ZBTB20: variants seen among roughly 807,000 people sequenced by gnomAD.
ZBTB20 encodes the protein zinc finger and BTB domain containing 20.
Under a neutral mutation model 56.9 loss-of-function variants are expected in ZBTB20, and 9 were observed. The ratio of observed to expected loss-of-function variants is 0.16; its 90% CI spans 0.10 to 0.28. The LOEUF (loss-of-function observed/expected upper bound fraction) is 0.28, where lower values mean the gene tolerates loss of function less well. Ranked by LOEUF, ZBTB20 falls within the 10% of genes least tolerant of loss-of-function variation. ZBTB20 has a pLI of 1.00. For synonymous variants in ZBTB20, 417 were observed against 420.7 expected (o/e 0.99, Z 0.11); for missense variants, 655 against 1,003.0 (o/e 0.65, Z 4.69).
At chr3:114,404,787 C>T (rs762654251) in intron 7 of ZBTB20, among the ~76,000 whole-genome samples, 9 of 152,230 alleles carry the variant, frequency 5.9e-5, no homozygotes, top group East Asian at 3.9e-4. Flanking sequence ...ACCCATGACT[C>T]GCTCTTTTCC....
chr3:114,622,348 G>T (rs1039569748), intron 6 of ZBTB20, among the ~76,000 whole-genome samples: 1 of 151,860 alleles, frequency 6.6e-6, no homozygotes, highest in Non-Finnish European at 1.5e-5. Context: ...AATTACCCAA[G>T]AAATATTATA....
At chr3:114,665,767 C>T (rs2108119877) in intron 6 of ZBTB20, among the ~76,000 whole-genome samples, 1 of 152,040 alleles carries the variant, frequency 6.6e-6, no homozygotes, top group South Asian at 2.1e-4. Context: ...ATTCATTGAA[C>T]ATGAGAAAAA....
chr3:114,448,674 AAACTT>A (rs1236059821), intron 7 of ZBTB20, among the ~76,000 whole-genome samples: 1 of 152,196 alleles, frequency 6.6e-6, no homozygotes, highest in African/African-American at 2.4e-5. Context: ...GTATCAGAAA[AAACTT>A]AAACGTTCAT....
intron 7 of ZBTB20, among the ~76,000 whole-genome samples, chr3:114,475,907 G>A (rs2040701038): frequency 6.6e-6 from 1 of 151,952 alleles, no homozygotes; most frequent in Non-Finnish European, 1.5e-5. Context: ...TTTTGAGATG[G>A]AGTCTTACTC....
chr3:114,754,747 T>C (rs1459900115), intron 5 of ZBTB20, among the ~76,000 whole-genome samples: 1 of 152,174 alleles, frequency 6.6e-6, no homozygotes, highest in Non-Finnish European at 1.5e-5. Context: ...TTAAATAATA[T>C]TTTTAAAATG....
chr3:114,514,634 C>T (rs1430177210), intron 6 of ZBTB20, among the ~76,000 whole-genome samples: 1 of 152,032 alleles, frequency 6.6e-6, no homozygotes, highest in Non-Finnish European at 1.5e-5. Flanking sequence ...ATGGGGAATA[C>T]TTTATTTGGT....
At chr3:114,584,697 CT>C (rs2054993532) in intron 6 of ZBTB20, among the ~76,000 whole-genome samples, 1 of 152,156 alleles carries the variant, frequency 6.6e-6, no homozygotes. Context: ...AAAGTTAAGC[CT>C]CATCACCACT....
At chr3:114,372,746 G>T (rs967384372) in intron 10 of ZBTB20, among the ~76,000 whole-genome samples, 2 of 152,028 alleles carry the variant, frequency 1.3e-5, no homozygotes, top group African/African-American at 4.8e-5. Flanking sequence ...TCAGGAGGCT[G>T]GGTGGGAGGA....
chr3:114,599,690 T>C (rs1040985499), intron 6 of ZBTB20, among the ~76,000 whole-genome samples: 1 of 152,056 alleles, frequency 6.6e-6, no homozygotes, highest in Admixed American at 6.6e-5. Context: ...ATTCCAAAAA[T>C]ACCTCTATTA....
At chr3:114,508,686 T>C (rs1311744699) in intron 6 of ZBTB20, among the ~76,000 whole-genome samples, 6 of 152,040 alleles carry the variant, frequency 3.9e-5, no homozygotes, top group East Asian at 3.9e-4. Flanking sequence ...ATGTAACTTG[T>C]AGAGAAGATC....
chr3:114,906,434 AC>A (rs1377910655), intron 3 of ZBTB20, among the ~76,000 whole-genome samples: 2 of 151,658 alleles, frequency 1.3e-5, no homozygotes, highest in African/African-American at 4.8e-5. Context: ...AATCACAACA[AC>A]AGCAACCACT....
At chr3:114,475,075 A>G (rs182487967) in intron 7 of ZBTB20, among the ~76,000 whole-genome samples, 3 of 152,302 alleles carry the variant, frequency 2.0e-5, no homozygotes, top group East Asian at 1.9e-4. Context: ...TCTGGTCCCA[A>G]TATACTTTTA....
rs756008533 is a variant in ZBTB20 at position 115,077,839 on chromosome 3, T to A, written c.-702-6425A>T. On this transcript the variant is annotated intron_variant, in intron 1 of 11. Transcript: ENST00000675478. ...GATAGTCTGAAGTTTCCTCAAAAAA[T>A]TAAAAATAGAACTGTTATACAATTC... 4.4e-4 allele frequency among the ~76,000 whole-genome samples: 67 copies of A among 152,074 alleles called. 1 individual carries two copies. Among genetic ancestry groups the A allele is most frequent in the Middle Eastern group, 3.2e-3 (1 of 316 alleles).
intron 5 of ZBTB20, among the ~76,000 whole-genome samples, chr3:114,786,307 A>G (rs959362099): frequency 6.6e-6 from 1 of 151,308 alleles, no homozygotes; most frequent in South Asian, 2.1e-4. Flanking sequence ...CCCACTCCCC[A>G]ACAGGCCCCA....
chr3:114,505,934 G>A (rs546650550), intron 6 of ZBTB20, among the ~76,000 whole-genome samples: 1 of 152,178 alleles, frequency 6.6e-6, no homozygotes, highest in East Asian at 1.9e-4. Flanking sequence ...GAATTTGGGA[G>A]TTTTTAATTC....
chr3:114,377,463 G>A (rs1371314105), intron 10 of ZBTB20, among the ~76,000 whole-genome samples: 1 of 152,136 alleles, frequency 6.6e-6, no homozygotes, highest in Non-Finnish European at 1.5e-5. Context: ...GAGAATTTAG[G>A]GGGTCAGACT....
chr3:114,779,711 T>C (rs2069915921), intron 5 of ZBTB20, among the ~76,000 whole-genome samples: 1 of 152,110 alleles, frequency 6.6e-6, no homozygotes, highest in Non-Finnish European at 1.5e-5. Flanking sequence ...GATGGAGAAA[T>C]GGTTGAGATA....
intron 5 of ZBTB20, among the ~76,000 whole-genome samples, chr3:114,711,523 C>T (rs2064080628): frequency 6.6e-6 from 1 of 152,198 alleles, no homozygotes; most frequent in Admixed American, 6.5e-5. Context: ...CATGCAATAG[C>T]TCACATGTCT....
chr3:114,963,356 C>A (rs1482071498), intron 3 of ZBTB20, among the ~76,000 whole-genome samples: 2 of 152,096 alleles, frequency 1.3e-5, no homozygotes, highest in Non-Finnish European at 2.9e-5. Flanking sequence ...TGGCCTCATT[C>A]TGATTTGTTA....
Sources: gnomAD v4.1 joint callset for allele counts (sites outside exome capture counted in the v4.1 genomes callset) on GRCh38, gnomAD v4.1.1 for gene constraint, MANE v1.5 for transcripts, NCBI Gene and HGNC (gene_info 2026-07-23, HGNC 2026-07-21) for gene names.